MYCBP2: variants seen among roughly 807,000 people sequenced by gnomAD.
MYCBP2 encodes E3 ubiquitin-protein ligase MYCBP2.
A neutral mutation model predicts 525.3 loss-of-function variants in MYCBP2; 120 were observed. That is an observed-to-expected ratio of 0.23 (90% confidence interval 0.20 to 0.27). The LOEUF is 0.27. Among genes scored for constraint, MYCBP2 ranks in the 10% least tolerant of loss-of-function variants. The pLI is 1.00. For missense variants in MYCBP2, 4,149 were observed against 5,657.1 expected (o/e 0.73, Z 8.55); for synonymous variants, 1,894 against 1,955.8 (o/e 0.97, Z 0.83).
At chr13:77,174,182 C>T in intron 37 of MYCBP2, 129 bp downstream of exon 37, 1 of 640,196 alleles carries the variant, frequency 1.6e-6, no homozygotes, top group East Asian at 2.9e-5. Flanking sequence ...TGAATTTGTA[C>T]AAGTATGTGC....
chr13:77,291,174 ACT>A (rs1414345211), intron 2 of MYCBP2, among the ~76,000 whole-genome samples: 1 of 152,150 alleles, frequency 6.6e-6, no homozygotes, highest in African/African-American at 2.4e-5. Flanking sequence ...TATATGAGAA[ACT>A]CTGGCAATTC....
At chr13:77,066,274 T>G (rs1473047825) in intron 71 of MYCBP2, among the ~76,000 whole-genome samples, 186 bp from the exon 72 acceptor site, 1 of 152,220 alleles carries the variant, frequency 6.6e-6, no homozygotes, top group Non-Finnish European at 1.5e-5. Flanking sequence ...TAAGGTTATT[T>G]GAGTTCCCTT....
chr13:77,170,952 G>A (rs991328630), intron 38 of MYCBP2, among the ~76,000 whole-genome samples: 4 of 152,134 alleles, frequency 2.6e-5, no homozygotes, highest in Non-Finnish European at 4.4e-5. Flanking sequence ...ATGGGGGAAA[G>A]GCAGCAGTGA....
chr13:77,078,185 A>C (rs1185106519), intron 66 of MYCBP2, among the ~76,000 whole-genome samples: 1 of 152,170 alleles, frequency 6.6e-6, no homozygotes, highest in Non-Finnish European at 1.5e-5. Flanking sequence ...ATTTAAACAA[A>C]ATTTATTATA....
intron 14 of MYCBP2, among the ~76,000 whole-genome samples, chr13:77,252,889 C>T (rs2071464022): frequency 6.6e-6 from 1 of 152,038 alleles, no homozygotes; most frequent in Admixed American, 6.6e-5. Flanking sequence ...AAGCATTACT[C>T]ATTTAATCAT....
rs1323974818 is a variant in MYCBP2 at position 77,176,489 on chromosome 13, G to C, written c.5472+8C>G. On this transcript the variant is annotated splice_region_variant and intron_variant, in intron 36 of 82. Transcript: ENST00000544440. Reference sequence around the variant, plus strand: ...TTATTCACAATAGAAACATTCAGTTGAAACTACCTTTAAAGGAACCACTTT... The same window carrying C: ...TTATTCACAATAGAAACATTCAGTTCAAACTACCTTTAAAGGAACCACTTT... 1 of 1,571,846 alleles carries C rather than the reference G, an allele frequency of 6.4e-7. No individual in the cohort carries two copies. The highest frequency in any genetic ancestry group is 2.2e-5 in the East Asian group (1 of 44,458).
At chr13:77,177,676 C>T (rs1266492665) in intron 35 of MYCBP2, 72 bp downstream of exon 35, 8 of 1,261,022 alleles carry the variant, frequency 6.3e-6, no homozygotes, top group Non-Finnish European at 9.1e-6. Context: ...AACCCCTGAA[C>T]ATACTATGAC....
At chr13:77,268,624 CA>C (rs2074422486) in intron 7 of MYCBP2, among the ~76,000 whole-genome samples, 2 of 151,930 alleles carry the variant, frequency 1.3e-5, no homozygotes, top group Middle Eastern at 6.8e-3. Context: ...ACTAAAAATA[CA>C]AAAATTAGCT....
intron 62 of MYCBP2, among the ~76,000 whole-genome samples, chr13:77,086,599 C>T (rs2044326152): frequency 6.6e-6 from 1 of 152,132 alleles, no homozygotes; most frequent in Non-Finnish European, 1.5e-5. Flanking sequence ...TTTTGCCCTT[C>T]ATTGCTCTTA....
At chr13:77,219,808 G>A (rs1296250018) in intron 20 of MYCBP2, among the ~76,000 whole-genome samples, 3 of 152,204 alleles carry the variant, frequency 2.0e-5, no homozygotes, top group South Asian at 2.1e-4. Flanking sequence ...GATACATACC[G>A]AGAGCAGGAG....
intron 69 of MYCBP2, among the ~76,000 whole-genome samples, 189 bp downstream of exon 69, chr13:77,070,442 C>T (rs1030577231): frequency 5.3e-5 from 8 of 151,668 alleles, no homozygotes; most frequent in Non-Finnish European, 8.8e-5. Flanking sequence ...AGTTCATCAG[C>T]TATTGTTAGC....
At chr13:77,074,624 G>A (rs935346327) in intron 68 of MYCBP2, among the ~76,000 whole-genome samples, 1 of 152,160 alleles carries the variant, frequency 6.6e-6, no homozygotes, top group Non-Finnish European at 1.5e-5. Flanking sequence ...ATCAAAAAAT[G>A]AAAGGATAAA....
At chr13:77,196,922 C>T (rs1015428125) in intron 26 of MYCBP2, among the ~76,000 whole-genome samples, 2 of 152,226 alleles carry the variant, frequency 1.3e-5, no homozygotes, top group African/African-American at 4.8e-5. Context: ...TAAAAGATGT[C>T]AAAAACTGAG....
chr13:77,223,034 A>G (rs775987169), intron 20 of MYCBP2, among the ~76,000 whole-genome samples: 1 of 152,186 alleles, frequency 6.6e-6, no homozygotes, highest in Non-Finnish European at 1.5e-5. Context: ...GCTGCTCTCT[A>G]TCTTTCCAGA....
intron 47 of MYCBP2, among the ~76,000 whole-genome samples, chr13:77,147,658 G>A (rs1245900620): frequency 6.6e-6 from 1 of 152,026 alleles, no homozygotes; most frequent in Non-Finnish European, 1.5e-5. Flanking sequence ...GCAAGTTAAG[G>A]CTGAGTCTTT....
intron 48 of MYCBP2, 35 bp downstream of exon 48, chr13:77,146,127 A>G: frequency 1.4e-6 from 2 of 1,429,508 alleles, no homozygotes; most frequent in Non-Finnish European, 1.9e-6. Context: ...CTGACAACAC[A>G]TGTTTTGGTT....
chr13:77,130,979 C>T (rs2052685485), intron 52 of MYCBP2, among the ~76,000 whole-genome samples: 1 of 152,124 alleles, frequency 6.6e-6, no homozygotes, highest in African/African-American at 2.4e-5. Context: ...ACAACATGTA[C>T]AATGATATTT....
intron 21 of MYCBP2, among the ~76,000 whole-genome samples, chr13:77,216,123 AG>A (rs1325029180): frequency 6.6e-6 from 1 of 152,218 alleles, no homozygotes; most frequent in African/African-American, 2.4e-5. Context: ...CAAAAAATGA[AG>A]GGGCATGTCA....
At chr13:77,084,602 G>C (rs1481091606) in intron 62 of MYCBP2, among the ~76,000 whole-genome samples, 1 of 152,060 alleles carries the variant, frequency 6.6e-6, no homozygotes, top group East Asian at 1.9e-4. Context: ...CCTAAGGCAT[G>C]GTCTGTATTC....
Sources: gnomAD v4.1 joint callset for allele counts (sites outside exome capture counted in the v4.1 genomes callset) on GRCh38, gnomAD v4.1.1 for gene constraint, MANE v1.5 for transcripts, NCBI Gene and HGNC (gene_info 2026-07-23, HGNC 2026-07-21) for gene names.